The following EXOC6B variants were observed in gnomAD, a reference collection of about 807,000 sequenced individuals.
EXOC6B encodes the protein SEC15 homolog B.
Under a neutral mutation model 113.5 loss-of-function variants are expected in EXOC6B, and 54 were observed. The observed-to-expected ratio is 0.48, with a 90% confidence interval of 0.38 to 0.60. The LOEUF is 0.60. EXOC6B is among the 20% of genes least tolerant of loss of function. The pLI, the probability that EXOC6B is intolerant of heterozygous loss-of-function variation, is 0.00. For synonymous variants in EXOC6B, 357 were observed against 339.0 expected (o/e 1.05, Z -0.58); for missense variants, 797 against 977.5 (o/e 0.82, Z 2.46).
intron 18 of EXOC6B, among the ~76,000 whole-genome samples, chr2:72,405,086 C>G (rs1693631757): frequency 6.6e-6 from 1 of 152,048 alleles, no homozygotes; most frequent in Admixed American, 6.5e-5. Context: ...CCGATTCAAT[C>G]AACTGGAAGA....
chr2:72,736,911 G>C (rs1273452083), intron 2 of EXOC6B, among the ~76,000 whole-genome samples: 1 of 151,378 alleles, frequency 6.6e-6, no homozygotes, highest in East Asian at 1.9e-4. Flanking sequence ...AGCATTCACA[G>C]GTCCTGGCAG....
intron 6 of EXOC6B, among the ~76,000 whole-genome samples, chr2:72,578,918 T>C (rs1218945511): frequency 6.6e-6 from 1 of 152,068 alleles, no homozygotes; most frequent in Non-Finnish European, 1.5e-5. Flanking sequence ...AGATGCTATA[T>C]AAAGCAGTTT....
intron 8 of EXOC6B, among the ~76,000 whole-genome samples, chr2:72,550,108 C>T (rs2105818077): frequency 6.6e-6 from 1 of 152,148 alleles, no homozygotes; most frequent in South Asian, 2.1e-4. Context: ...ATCCCCGTTT[C>T]TCTATTCCTA....
intron 19 of EXOC6B, among the ~76,000 whole-genome samples, chr2:72,374,514 C>G (rs986188045): frequency 1.3e-5 from 2 of 151,768 alleles, no homozygotes; most frequent in African/African-American, 4.8e-5. Context: ...ACTCATGAAG[C>G]TAGAGAGTAG....
At chr2:72,775,724 G>T (rs550858202) in intron 1 of EXOC6B, among the ~76,000 whole-genome samples, 1 of 152,284 alleles carries the variant, frequency 6.6e-6, no homozygotes, top group East Asian at 1.9e-4. Flanking sequence ...CTTTAACAAT[G>T]GAGACAGTGG....
intron 19 of EXOC6B, among the ~76,000 whole-genome samples, chr2:72,347,175 G>C (rs912128808): frequency 1.3e-5 from 2 of 151,900 alleles, no homozygotes; most frequent in Non-Finnish European, 2.9e-5. Flanking sequence ...TCAAAATAAG[G>C]GTCAATTTCA....
At chr2:72,208,413 A>C (rs1679965824) in intron 20 of EXOC6B, among the ~76,000 whole-genome samples, 1 of 152,114 alleles carries the variant, frequency 6.6e-6, no homozygotes, top group Non-Finnish European at 1.5e-5. Flanking sequence ...AAAGGGCATA[A>C]TTTAATTCCT....
intron 20 of EXOC6B, among the ~76,000 whole-genome samples, chr2:72,209,180 G>A (rs921108065): frequency 5.4e-5 from 7 of 129,922 alleles, no homozygotes; most frequent in Admixed American, 1.9e-4. Context: ...CTGAGATCGC[G>A]CCATTGCACT....
chr2:72,384,170 C>CA (rs1691856819), intron 18 of EXOC6B, among the ~76,000 whole-genome samples: 1 of 151,710 alleles, frequency 6.6e-6, no homozygotes, highest in Non-Finnish European at 1.5e-5. Context: ...AACAAACAAA[C>CA]AAAAAATGAA....
intron 17 of EXOC6B, among the ~76,000 whole-genome samples, chr2:72,474,544 G>A (rs1274773287): frequency 6.6e-6 from 1 of 151,432 alleles, no homozygotes; most frequent in South Asian, 2.1e-4. Context: ...GTCTACTGTT[G>A]AAGATTTTGA....
intron 17 of EXOC6B, among the ~76,000 whole-genome samples, chr2:72,468,836 T>C (rs1698220485): frequency 6.6e-6 from 1 of 152,192 alleles, no homozygotes; most frequent in Admixed American, 6.5e-5. Context: ...ACAGGTCTTC[T>C]AAATATTTCA....
Position 72,515,166 on chromosome 2 carries a change from C to G in EXOC6B, c.916-40G>C. 3 of 1,517,632 alleles carry G rather than the reference C, an allele frequency of 2.0e-6. No individual in the cohort carries two copies. The South Asian group carries it at 3.6e-5, about 18-fold the overall frequency. 94.0% of individuals were successfully genotyped at this position (1,517,632 alleles called of 1,614,324 possible). A position where few individuals can be genotyped will look rare whatever the true frequency, so the allele number is the denominator to read the frequency against. Reference sequence around the variant, plus strand: ...AAGAAAATGGGTTGACACAATTGGACCAATTACTCTTTTATTTCAAGGGAA... The same window carrying G: ...AAGAAAATGGGTTGACACAATTGGAGCAATTACTCTTTTATTTCAAGGGAA... On this transcript the variant is annotated intron_variant, in intron 8 of 21. Coordinates refer to ENST00000272427, the MANE Select transcript of EXOC6B (RefSeq NM_015189.3).
intron 6 of EXOC6B, among the ~76,000 whole-genome samples, chr2:72,658,865 CT>C (rs1674800118): frequency 6.6e-6 from 1 of 152,056 alleles, no homozygotes; most frequent in Non-Finnish European, 1.5e-5. Context: ...AAAAGACACA[CT>C]TGTTTTTATC....
At chr2:72,182,183 G>T (rs1349823292) in intron 21 of EXOC6B, among the ~76,000 whole-genome samples, 1 of 152,128 alleles carries the variant, frequency 6.6e-6, no homozygotes, top group African/African-American at 2.4e-5. Context: ...GATTGCTAGG[G>T]CTAAGCACAT....
At chr2:72,395,417 T>C (rs918852083) in intron 18 of EXOC6B, among the ~76,000 whole-genome samples, 1 of 152,172 alleles carries the variant, frequency 6.6e-6, no homozygotes, top group African/African-American at 2.4e-5. Flanking sequence ...CCCTAGTTTC[T>C]TTTTTGCTTT....
chr2:72,707,235 C>T (rs181801979), intron 6 of EXOC6B, among the ~76,000 whole-genome samples: 15 of 152,226 alleles, frequency 9.9e-5, no homozygotes, highest in African/African-American at 3.6e-4. Context: ...GTAACTGGAA[C>T]ATTATATATC....
At chr2:72,501,884 C>G (rs1320527681) in intron 11 of EXOC6B, among the ~76,000 whole-genome samples, 1 of 151,832 alleles carries the variant, frequency 6.6e-6, no homozygotes, top group Admixed American at 6.6e-5. Flanking sequence ...CTCAGTACCC[C>G]CAAGTAGCTG....
chr2:72,751,525 C>T (rs1381784500), intron 1 of EXOC6B, among the ~76,000 whole-genome samples: 1 of 151,974 alleles, frequency 6.6e-6, no homozygotes, highest in African/African-American at 2.4e-5. Flanking sequence ...CTCTGGAATG[C>T]CCTTGACCGA....
At chr2:72,796,316 G>GAA (rs1339721308) in intron 1 of EXOC6B, among the ~76,000 whole-genome samples, 2 of 151,636 alleles carry the variant, frequency 1.3e-5, no homozygotes, top group African/African-American at 4.8e-5. Flanking sequence ...AGCCAGGTGT[G>GAA]GTGGCGAGTG....
Sources: gnomAD v4.1 joint callset for allele counts (sites outside exome capture counted in the v4.1 genomes callset) on GRCh38, gnomAD v4.1.1 for gene constraint, MANE v1.5 for transcripts, NCBI Gene and HGNC (gene_info 2026-07-23, HGNC 2026-07-21) for gene names.